The following ATP6V0A4 variants were observed in gnomAD, a reference collection of about 807,000 sequenced individuals.
ATP6V0A4 encodes ATPase H+ transporting V0 subunit a4, also known as V-type proton ATPase 116 kDa subunit a 4.
In ATP6V0A4, 86 loss-of-function variants were observed where a neutral mutation model predicts 107.3. That is an observed-to-expected ratio of 0.80 (90% confidence interval 0.67 to 0.96). The LOEUF (loss-of-function observed/expected upper bound fraction) is 0.96, where lower values mean the gene tolerates loss of function less well. Among genes scored for constraint, ATP6V0A4 ranks in the 40% least tolerant of loss-of-function variants. The pLI is 0.00. For synonymous variants in ATP6V0A4, 353 were observed against 381.4 expected (o/e 0.93, Z 0.87); for missense variants, 908 against 1,045.6 (o/e 0.87, Z 1.81).
At chr7:138,782,057 G>A (rs747664093) in intron 2 of ATP6V0A4, among the ~76,000 whole-genome samples, 1 of 152,276 alleles carries the variant, frequency 6.6e-6, no homozygotes, top group East Asian at 1.9e-4. Flanking sequence ...GCAGAATTGG[G>A]TGTATGAGTT....
At position 138,755,787 on chromosome 7, in the gene ATP6V0A4, G is replaced by T; in HGVS notation, c.723-5C>A. The stretch of plus-strand genomic sequence containing the variant: ...GGGTAGACAGTGGCTCGAAACCTGT[G>T]TTTAATATATTCCAAAGGAAACAGG... On this transcript the variant is annotated splice_polypyrimidine_tract_variant and splice_region_variant and intron_variant, in intron 9 of 21. Transcript: ENST00000310018. 6.2e-7 allele frequency: 1 copy of T among 1,612,170 alleles called. No homozygotes were observed.
At chr7:138,728,330 G>C (rs1804822285) in intron 18 of ATP6V0A4, among the ~76,000 whole-genome samples, 1 of 151,950 alleles carries the variant, frequency 6.6e-6, no homozygotes, top group Admixed American at 6.6e-5. Flanking sequence ...GGGCTCAAGT[G>C]ATTCTCCTGC....
At chr7:138,798,011 C>G in intron 1 of ATP6V0A4, 23 bp downstream of exon 1, 1 of 1,549,928 alleles carries the variant, frequency 6.5e-7, no homozygotes, top group Non-Finnish European at 8.7e-7. Context: ...CTTTCCAGCT[C>G]CTGCAGGTGG....
chr7:138,767,677 G>T (rs889740735), intron 5 of ATP6V0A4, among the ~76,000 whole-genome samples: 3 of 150,616 alleles, frequency 2.0e-5, no homozygotes, highest in South Asian at 2.1e-4. Context: ...CAGAGAAAAG[G>T]CTCAGCTAGG....
chr7:138,768,907 G>A (rs781659394), intron 4 of ATP6V0A4, 33 bp from the exon 5 acceptor site: 2 of 1,613,052 alleles, frequency 1.2e-6, no homozygotes, highest in African/African-American at 1.3e-5. Context: ...AAACCCCAAG[G>A]TGATTGTGTT....
chr7:138,757,304 C>A (rs751942082), intron 8 of ATP6V0A4, among the ~76,000 whole-genome samples: 1 of 152,020 alleles, frequency 6.6e-6, no homozygotes, highest in Admixed American at 6.6e-5. Flanking sequence ...TGGCTTGAGC[C>A]CAGGGGTTCA....
chr7:138,781,795 T>A (rs893507804), intron 2 of ATP6V0A4, among the ~76,000 whole-genome samples: 8 of 151,990 alleles, frequency 5.3e-5, no homozygotes, highest in Admixed American at 6.6e-5. Flanking sequence ...TTGTTCCTAA[T>A]CTTCTCAGCA....
intron 18 of ATP6V0A4, among the ~76,000 whole-genome samples, 195 bp downstream of exon 18, chr7:138,728,566 T>C (rs1381982452): frequency 6.6e-6 from 1 of 151,940 alleles, no homozygotes; most frequent in East Asian, 1.9e-4. Flanking sequence ...TAATAGAGCA[T>C]CTCGTTGGAA....
At chr7:138,729,733 G>A (rs1292585038) in intron 17 of ATP6V0A4, among the ~76,000 whole-genome samples, 2 of 152,196 alleles carry the variant, frequency 1.3e-5, no homozygotes, top group East Asian at 3.8e-4. Flanking sequence ...GTGCTGGAAG[G>A]AAATAGAAAA....
At chr7:138,719,349 G>C (rs1804312485) in intron 19 of ATP6V0A4, among the ~76,000 whole-genome samples, 1 of 152,170 alleles carries the variant, frequency 6.6e-6, no homozygotes, top group African/African-American at 2.4e-5. Context: ...TGCGAATGCA[G>C]TGGCTTAAGT....
intron 2 of ATP6V0A4, among the ~76,000 whole-genome samples, chr7:138,775,312 T>C (rs1807609184): frequency 6.6e-6 from 1 of 152,180 alleles, no homozygotes; most frequent in Admixed American, 6.5e-5. Flanking sequence ...CCATACATCA[T>C]ATTATTTCTT....
At chr7:138,781,108 A>G (rs1475527156) in intron 2 of ATP6V0A4, among the ~76,000 whole-genome samples, 1 of 152,178 alleles carries the variant, frequency 6.6e-6, no homozygotes, top group Non-Finnish European at 1.5e-5. Flanking sequence ...TATAGACAGG[A>G]GAGATGATTA....
rs142313541 is a variant in ATP6V0A4, at chr7:138,709,727, C to T, written c.2326G>A (p.Val776Ile). ...GLQTRGWGGI[V>I]GVFIIFAVFA... ...ACGGCAAAAATAATAAAAACCCCGA[C>T]GATTCCTCCCCAGCCTCGCGTCTGA... The change falls in exon 21 of 22, where the codon GTC (valine) becomes ATC (isoleucine). Residue 776 changes from valine to isoleucine, a missense_variant. By Grantham distance (29) the Val-to-Ile change is conservative. Coordinates refer to ENST00000310018, the MANE Select transcript of ATP6V0A4 (RefSeq NM_020632.3). 429 of 1,614,044 alleles carry T rather than the reference C, an allele frequency of 2.7e-4. 5 individuals are homozygous for T. In the African/African-American group the frequency reaches 4.9e-3, roughly 19 times the overall value.
At chr7:138,750,283 C>T (rs1185249765) in intron 11 of ATP6V0A4, among the ~76,000 whole-genome samples, 1 of 151,904 alleles carries the variant, frequency 6.6e-6, no homozygotes, top group Non-Finnish European at 1.5e-5. Context: ...CTTCCTGAGA[C>T]AGGAAGTCCC....
chr7:138,790,374 A>AGAG, intron 1 of ATP6V0A4, among the ~76,000 whole-genome samples: 1 of 152,136 alleles, frequency 6.6e-6, no homozygotes, highest in Middle Eastern at 3.4e-3. Flanking sequence ...GCTCACTGCA[A>AGAG]CCTCTGCCTC....
chr7:138,722,801 A>G (rs1011072354), intron 18 of ATP6V0A4, among the ~76,000 whole-genome samples: 1 of 148,446 alleles, frequency 6.7e-6, no homozygotes, highest in Non-Finnish European at 1.5e-5. Context: ...GCTCATGCCT[A>G]TAATCCCAGT....
At chr7:138,762,733 C>G (rs148067475) in intron 6 of ATP6V0A4, among the ~76,000 whole-genome samples, 167 bp downstream of exon 6, 2 of 152,254 alleles carry the variant, frequency 1.3e-5, no homozygotes, top group East Asian at 3.9e-4. Flanking sequence ...TCAATCCAAC[C>G]AGCACTACAA....
In ATP6V0A4 at chr7:138,762,321, A is replaced by C. The variant is rs751726912; in HGVS notation, c.512+19T>G. 4 of 1,613,886 alleles carry C rather than the reference A, an allele frequency of 2.5e-6. No individual in the cohort carries two copies. Among genetic ancestry groups the C allele is most frequent in the Non-Finnish European group, 3.4e-6 (4 of 1,179,774 alleles). The stretch of plus-strand genomic sequence containing the variant: ...TCGCCAGGACCAGGGACCCATCTAC[A>C]CACAAGAATTACACTAACCCCAACT... On this transcript the variant is annotated intron_variant, in intron 7 of 21. Transcript: ENST00000310018.
At chr7:138,772,475 G>A (rs1473306397) in intron 2 of ATP6V0A4, among the ~76,000 whole-genome samples, 2 of 152,140 alleles carry the variant, frequency 1.3e-5, no homozygotes, top group African/African-American at 2.4e-5. Context: ...GGGGAATGGT[G>A]CGAGTTAGGT....
Sources: allele counts gnomAD v4.1 joint callset (sites outside exome capture counted in the v4.1 genomes callset), GRCh38; gene constraint gnomAD v4.1.1; transcripts MANE v1.5; gene names NCBI Gene and HGNC (gene_info 2026-07-23, HGNC 2026-07-21).